The following OPCML variants were observed in gnomAD, a reference collection of about 807,000 sequenced individuals.
The protein encoded by OPCML is opioid binding protein/cell adhesion molecule like.
A neutral mutation model predicts 37.8 loss-of-function variants in OPCML; 13 were observed. The ratio of observed to expected loss-of-function variants is 0.34; its 90% CI spans 0.22 to 0.55. The LOEUF (loss-of-function observed/expected upper bound fraction) is 0.55, where lower values mean the gene tolerates loss of function less well. Ranked by LOEUF, OPCML falls within the 20% of genes least tolerant of loss-of-function variation. OPCML has a pLI of 0.91. For synonymous variants in OPCML, 176 were observed against 168.8 expected (o/e 1.04, Z -0.33); for missense variants, 341 against 435.6 (o/e 0.78, Z 1.93).
intron 1 of OPCML, among the ~76,000 whole-genome samples, chr11:133,120,788 G>A (rs898286240): frequency 6.6e-6 from 1 of 152,182 alleles, no homozygotes; most frequent in African/African-American, 2.4e-5. Context: ...ATACATCTCA[G>A]AAGTTTTCCC....
chr11:133,280,012 T>C (rs1051332495), intron 1 of OPCML, among the ~76,000 whole-genome samples: 32 of 152,244 alleles, frequency 2.1e-4, no homozygotes, highest in African/African-American at 7.7e-4. Flanking sequence ...GGATGAGAAG[T>C]AGATTTGGAC....
chr11:133,427,494 T>A (rs1312964185), intron 1 of OPCML, among the ~76,000 whole-genome samples: 1 of 151,974 alleles, frequency 6.6e-6, no homozygotes, highest in Non-Finnish European at 1.5e-5. Flanking sequence ...TCTTAAATGC[T>A]TTACTATTAG....
intron 2 of OPCML, among the ~76,000 whole-genome samples, chr11:132,721,748 G>A (rs1310886452): frequency 2.0e-5 from 3 of 152,084 alleles, no homozygotes; most frequent in African/African-American, 7.2e-5. Flanking sequence ...CCGGACTGCT[G>A]TTGACGAAGA....
intron 2 of OPCML, among the ~76,000 whole-genome samples, chr11:132,939,477 C>G (rs1945501035): frequency 6.6e-6 from 1 of 152,158 alleles, no homozygotes; most frequent in Non-Finnish European, 1.5e-5. Context: ...ATAAAAAACA[C>G]AAAACACCAA....
chr11:132,520,586 C>T (rs1313394586), intron 4 of OPCML, among the ~76,000 whole-genome samples: 2 of 151,520 alleles, frequency 1.3e-5, no homozygotes, highest in African/African-American at 4.9e-5. Context: ...ATTGTCGATC[C>T]ACAGGAAGTT....
intron 1 of OPCML, among the ~76,000 whole-genome samples, chr11:133,140,978 A>G (rs147691202): frequency 1.7e-3 from 7 of 4,006 alleles, no homozygotes; most frequent in Non-Finnish European, 2.2e-3. Flanking sequence ...GAAGAAGAAG[A>G]AGAAGAAGAA....
At chr11:132,630,333 G>A (rs1487145085) in intron 3 of OPCML, among the ~76,000 whole-genome samples, 1 of 152,212 alleles carries the variant, frequency 6.6e-6, no homozygotes, top group Non-Finnish European at 1.5e-5. Flanking sequence ...GCTGAGGTGG[G>A]GCGGTCACGA....
At chr11:133,303,283 C>T (rs2136570829) in intron 1 of OPCML, among the ~76,000 whole-genome samples, 1 of 152,268 alleles carries the variant, frequency 6.6e-6, no homozygotes, top group East Asian at 1.9e-4. Flanking sequence ...GGAAGAGCAG[C>T]ACTTCAAAAG....
At chr11:133,294,081 A>T (rs971158984) in intron 1 of OPCML, among the ~76,000 whole-genome samples, 3 of 151,978 alleles carry the variant, frequency 2.0e-5, no homozygotes, top group African/African-American at 7.2e-5. Flanking sequence ...AAATGATATG[A>T]TTTTCTGGGA....
intron 1 of OPCML, among the ~76,000 whole-genome samples, chr11:132,965,260 G>C (rs1328685179): frequency 6.6e-6 from 1 of 152,046 alleles, no homozygotes; most frequent in Non-Finnish European, 1.5e-5. Context: ...CTCTTTTTTG[G>C]GGGGAGGAGG....
At chr11:132,979,336 G>A (rs766178915) in intron 1 of OPCML, among the ~76,000 whole-genome samples, 139 of 152,268 alleles carry the variant, frequency 9.1e-4, no homozygotes, top group Non-Finnish European at 1.6e-3. Context: ...CTCGTGTGAC[G>A]TGGCTCCTCA....
chr11:133,157,473 C>G (rs1203780447), intron 1 of OPCML, among the ~76,000 whole-genome samples: 1 of 152,140 alleles, frequency 6.6e-6, no homozygotes, highest in Non-Finnish European at 1.5e-5. Context: ...CTCTTCATAT[C>G]CAGGCTTGAC....
At chr11:133,529,461 G>A (rs1321563766) in intron 1 of OPCML, among the ~76,000 whole-genome samples, 3 of 152,316 alleles carry the variant, frequency 2.0e-5, no homozygotes, top group African/African-American at 4.8e-5. Flanking sequence ...AGTTGGCCAC[G>A]GGCCCTCTGC....
intron 4 of OPCML, among the ~76,000 whole-genome samples, chr11:132,484,201 G>T (rs2096191405): frequency 1.3e-5 from 2 of 151,862 alleles, no homozygotes; most frequent in Admixed American, 1.3e-4. Flanking sequence ...AATCTACAAT[G>T]AACTCCAACA....
chr11:132,841,299 C>A (rs1177624524), intron 2 of OPCML, among the ~76,000 whole-genome samples: 6 of 152,124 alleles, frequency 3.9e-5, no homozygotes, highest in African/African-American at 1.4e-4. Context: ...GACCCCCCGG[C>A]CCCCACTAAT....
In OPCML at chr11:132,794,180, T is replaced by C. The variant is rs186756015; in HGVS notation, c.147-136861A>G. ...TGCCTCCCAGGTAAACTCCTTAACA[T>C]GGGAGCTAGAGTCGAGTTAGCATTT... On this transcript the variant is annotated intron_variant, in intron 2 of 7. Transcript: ENST00000524381. 5.8e-3 allele frequency among the ~76,000 whole-genome samples: 879 copies of C among 152,304 alleles called. 4 individuals carry two copies. Among genetic ancestry groups the C allele is most frequent in the Middle Eastern group, 0.017 (5 of 294 alleles).
At chr11:133,472,489 C>T (rs1490871996) in intron 1 of OPCML, among the ~76,000 whole-genome samples, 1 of 151,754 alleles carries the variant, frequency 6.6e-6, no homozygotes, top group African/African-American at 2.4e-5. Flanking sequence ...GCTCTTACTT[C>T]CATAATGATG....
At chr11:132,693,312 G>A (rs1020825302) in intron 2 of OPCML, among the ~76,000 whole-genome samples, 2 of 152,168 alleles carry the variant, frequency 1.3e-5, no homozygotes, top group Non-Finnish European at 1.5e-5. Flanking sequence ...GGACCAAAAA[G>A]TATGACCTAT....
chr11:132,609,309 T>C (rs1260392745), intron 3 of OPCML, among the ~76,000 whole-genome samples: 2 of 152,202 alleles, frequency 1.3e-5, no homozygotes, highest in Non-Finnish European at 2.9e-5. Flanking sequence ...TCAGACCATT[T>C]TGGTAGCTTG....
Sources: gnomAD v4.1 joint callset for allele counts (sites outside exome capture counted in the v4.1 genomes callset) on GRCh38, gnomAD v4.1.1 for gene constraint, MANE v1.5 for transcripts, NCBI Gene and HGNC (gene_info 2026-07-23, HGNC 2026-07-21) for gene names.